PLXNA4: variants seen among roughly 807,000 people sequenced by gnomAD.
PLXNA4 encodes the protein plexin-A4.
Under a neutral mutation model 191.8 loss-of-function variants are expected in PLXNA4, and 44 were observed. That is an observed-to-expected ratio of 0.23 (90% confidence interval 0.18 to 0.29). The LOEUF is 0.29. PLXNA4 is among the 10% of genes least tolerant of loss of function. PLXNA4 has a pLI of 1.00. For synonymous variants in PLXNA4, 1,082 were observed against 1,009.5 expected (o/e 1.07, Z -1.36); for missense variants, 1,800 against 2,488.8 (o/e 0.72, Z 5.89).
At chr7:132,635,594 A>T (rs1803587809) in intron 2 of PLXNA4, among the ~76,000 whole-genome samples, 1 of 152,190 alleles carries the variant, frequency 6.6e-6, no homozygotes, top group Non-Finnish European at 1.5e-5. Context: ...CTGAAGAGGA[A>T]GAAATGCCGT....
rs376281990 is a variant in PLXNA4 at position 132,594,976 on chromosome 7, A to AATAGATAG, written c.-87+50944_-87+50951dup. Among the ~76,000 whole-genome samples the AATAGATAG allele has an allele frequency of 1.7e-3, 183 of 109,550 alleles. 2 individuals carry two copies. The highest frequency in any genetic ancestry group is 5.0e-3 in the Middle Eastern group (1 of 202). The allele number at this position is 109,550 out of a possible 152,430, so 71.9% of individuals were successfully genotyped here. ...ATAGATAGATAGATAATTGATAGAT[A>AATAGATAG]ATAGATAGATAGATAGATAGATAGA... On this transcript the variant is annotated intron_variant, in intron 2 of 4. Transcript: ENST00000378539.
At chr7:132,240,994 G>T in intron 5 of PLXNA4, 72 bp downstream of exon 5, 2 of 1,088,914 alleles carry the variant, frequency 1.8e-6, no homozygotes, top group South Asian at 1.8e-5. Flanking sequence ...GGGCAGTGAT[G>T]ACAGAGAAGC....
chr7:132,301,492 AG>A (rs11300378), intron 3 of PLXNA4, among the ~76,000 whole-genome samples: 76,657 of 151,946 alleles, frequency 0.5, 20,520 homozygotes, highest in African/African-American at 0.66. Flanking sequence ...GGCACAAAAA[AG>A]GTTAAATAAC....
In PLXNA4 at chr7:132,125,963, T is replaced by TGTC. The variant is rs1446544906; in HGVS notation, c.*4513_*4515dup. On this transcript the variant is annotated 3_prime_UTR_variant, in exon 32 of 32. Coordinates refer to ENST00000321063, the MANE Select transcript of PLXNA4 (RefSeq NM_020911.2). Reference sequence around the variant, plus strand: ...TGCCTGCAGAGCACCTTCCTACCTATGTCTGTCTGTCTTTCCCTCACTGCT... The same window carrying TGTC: ...TGCCTGCAGAGCACCTTCCTACCTATGTCGTCTGTCTGTCTTTCCCTCACTGCT... 6.6e-6 allele frequency: 1 copy of TGTC among 152,292 alleles called. No individual in the cohort carries two copies. Among genetic ancestry groups the TGTC allele is most frequent in the African/African-American group, 2.4e-5 (1 of 41,442 alleles). The allele number at this position is 152,292 out of a possible 1,614,324, so 9.4% of individuals were successfully genotyped here.
At chr7:132,620,194 A>G (rs1164587868) in intron 2 of PLXNA4, among the ~76,000 whole-genome samples, 1 of 152,204 alleles carries the variant, frequency 6.6e-6, no homozygotes, top group Non-Finnish European at 1.5e-5. Context: ...ATAATGACAC[A>G]TTCAGTATGC....
rs371102294 is a variant in PLXNA4 at position 132,143,573 on chromosome 7, C to T, written c.5225+1546G>A. Among the ~76,000 whole-genome samples the T allele has an allele frequency of 7.9e-5, 12 of 152,266 alleles. No individual in the cohort carries two copies. The East Asian group carries it at 9.7e-4, about 12-fold the overall frequency. On this transcript the variant is annotated intron_variant, in intron 29 of 31. Transcript: ENST00000321063. ...TTTTTTAAAAATTTCCTGAAGGCTG[C>T]TAACATTCAATGGAGGCAGTAAGTA...
rs1226880366 is a variant in PLXNA4 at position 132,508,478 on chromosome 7, G to A, written c.216C>T (p.Tyr72=). 6.2e-7 allele frequency: 1 copy of A among 1,614,202 alleles called. No homozygotes were observed. Among genetic ancestry groups the A allele is most frequent in the Admixed American group, 1.7e-5 (1 of 60,028 alleles). Reference sequence around the variant, plus strand: ...AGACCTTCAGGTCGCTGGAGAGCTTGTAAATCCGATTGACGGCCCCCAAGT... The same window carrying A: ...AGACCTTCAGGTCGCTGGAGAGCTTATAAATCCGATTGACGGCCCCCAAGT... ...HIYLGAVNRI[Y]KLSSDLKVLV... is the part of the protein sequence containing the mutation. Residue 72 remains tyrosine, a synonymous_variant, in exon 2 of 32, where the codon TAC becomes TAT. Coordinates refer to ENST00000321063, the MANE Select transcript of PLXNA4 (RefSeq NM_020911.2). The surrounding 1 kb of genome is among the most constrained non-coding windows in gnomAD (Gnocchi z 4.4).
intron 3 of PLXNA4, among the ~76,000 whole-genome samples, chr7:132,469,119 C>CAAAAAAAAAAAAAAAAAAAA (rs5887577): frequency 1.1e-5 from 1 of 87,426 alleles, no homozygotes; most frequent in African/African-American, 4.3e-5. Flanking sequence ...GCACACCAAC[C>CAAAAAAAAAAAAAAAAAAAA]AAAAAAAAAA....
At chr7:132,371,804 TACACACACTC>T (rs1240549658) in intron 3 of PLXNA4, among the ~76,000 whole-genome samples, 8 of 152,104 alleles carry the variant, frequency 5.3e-5, no homozygotes, top group Admixed American at 5.2e-4. Flanking sequence ...CACACACACA[TACACACACTC>T]ACACACACAG....
intron 2 of PLXNA4, among the ~76,000 whole-genome samples, chr7:132,603,476 C>T (rs1802859139): frequency 6.6e-6 from 1 of 152,178 alleles, no homozygotes; most frequent in African/African-American, 2.4e-5. Flanking sequence ...CATTGACCTC[C>T]CCTAAGAGGA....
rs1243194708 is a variant in PLXNA4, at chr7:132,179,874, G to A, written c.3687C>T (p.Ala1229=). ...MEYSPGMVYI[A]PDSPLSLPAI... ...CGGGCAGGCTGAGCGGGCTGTCCGGGGCAATGTACACCATCCCCGGGGAGT... is the reference window on the plus strand; with the variant it reads ...CGGGCAGGCTGAGCGGGCTGTCCGGAGCAATGTACACCATCCCCGGGGAGT... The change falls in exon 20 of 32, where the codon GCC becomes GCT. Residue 1229 remains alanine (A), a synonymous_variant. Coordinates refer to ENST00000321063, the MANE Select transcript of PLXNA4 (RefSeq NM_020911.2). The A allele has an allele frequency of 1.9e-6, 3 of 1,613,150 alleles. No homozygotes were observed. The highest frequency in any genetic ancestry group is 1.3e-5 in the African/African-American group (1 of 75,046).
intron 3 of PLXNA4, among the ~76,000 whole-genome samples, chr7:132,326,712 G>C (rs1207538213): frequency 6.6e-6 from 1 of 152,132 alleles, no homozygotes; most frequent in Non-Finnish European, 1.5e-5. Context: ...ACACATCTCT[G>C]TGCCCTCACC....
Position 132,218,669 on chromosome 7 carries a change from C to T in PLXNA4, c.2097+4858G>A, listed in dbSNP as rs929980354. ...GAGCTGGGGATGGATTCCAAAACCACCTGGGGACCAGTGGCTGCTCCTGCT... is the reference window on the plus strand; with the variant it reads ...GAGCTGGGGATGGATTCCAAAACCATCTGGGGACCAGTGGCTGCTCCTGCT... On this transcript the variant is annotated intron_variant, in intron 9 of 31. Coordinates refer to ENST00000321063, the MANE Select transcript of PLXNA4 (RefSeq NM_020911.2). 3.4e-4 allele frequency among the ~76,000 whole-genome samples: 51 copies of T among 152,174 alleles called. 2 individuals carry two copies. Among genetic ancestry groups the T allele is most frequent in the African/African-American group, 1.2e-3 (51 of 41,444 alleles).
chr7:132,379,291 A>G (rs2116933950), intron 3 of PLXNA4, among the ~76,000 whole-genome samples: 1 of 152,312 alleles, frequency 6.6e-6, no homozygotes, highest in South Asian at 2.1e-4. Flanking sequence ...TGGGTACATT[A>G]GCATCCAAAG....
At chr7:132,622,646 T>C (rs1158105509) in intron 2 of PLXNA4, among the ~76,000 whole-genome samples, 1 of 152,218 alleles carries the variant, frequency 6.6e-6, no homozygotes, top group Admixed American at 6.5e-5. Flanking sequence ...ACTTCCCAGA[T>C]GACTCCAGTT....
intron 3 of PLXNA4, among the ~76,000 whole-genome samples, chr7:132,397,842 C>T (rs1039139097): frequency 6.6e-6 from 1 of 152,184 alleles, no homozygotes; most frequent in African/African-American, 2.4e-5. Flanking sequence ...GCCTATTTGA[C>T]GAAGGGCACA....
At position 132,179,930 on chromosome 7, in the gene PLXNA4, A is replaced by G; in HGVS notation, c.3640-9T>C. On this transcript the variant is annotated splice_polypyrimidine_tract_variant and intron_variant, in intron 19 of 31. Coordinates refer to ENST00000321063, the MANE Select transcript of PLXNA4 (RefSeq NM_020911.2). ...ATGCCACCGACACGGGCCTGGGGGC[A>G]CACAGGGCAAGAGGGAGCTGGGTGT... The G allele has an allele frequency of 6.2e-7, 1 of 1,600,764 alleles. No homozygotes were observed. Among genetic ancestry groups the G allele is most frequent in the South Asian group, 1.1e-5 (1 of 89,946 alleles).
At chr7:132,199,347 C>T (rs1266692675) in intron 12 of PLXNA4, among the ~76,000 whole-genome samples, 1 of 152,178 alleles carries the variant, frequency 6.6e-6, no homozygotes, top group Non-Finnish European at 1.5e-5. Flanking sequence ...AACTCCTTTG[C>T]CGTTGTTGTT....
chr7:132,320,399 C>A (rs1802116663), intron 3 of PLXNA4, among the ~76,000 whole-genome samples: 1 of 152,190 alleles, frequency 6.6e-6, no homozygotes, highest in Non-Finnish European at 1.5e-5. Flanking sequence ...ATTTCCCATT[C>A]TTTTCTCTCA....
Sources: gnomAD v4.1 joint callset for allele counts (sites outside exome capture counted in the v4.1 genomes callset) on GRCh38, gnomAD v4.1.1 for gene constraint, Gnocchi (gnomAD v3.1) non-coding constraint, MANE v1.5 for transcripts, NCBI Gene and HGNC (gene_info 2026-07-23, HGNC 2026-07-21) for gene names.